The following ANGPT1 variants were observed in gnomAD, a reference collection of about 807,000 sequenced individuals.
ANGPT1 encodes the protein angiopoietin-1.
Under a neutral mutation model 62.2 loss-of-function variants are expected in ANGPT1, and 17 were observed. The ratio of observed to expected loss-of-function variants is 0.27; its 90% CI spans 0.19 to 0.41. The LOEUF (loss-of-function observed/expected upper bound fraction) is 0.41. Ranked by LOEUF, ANGPT1 falls within the 10% of genes least tolerant of loss-of-function variation. The probability of loss-of-function intolerance (pLI) is 1.00; values close to 1 mark genes in which losing one functional copy is unlikely to be tolerated. For synonymous variants in ANGPT1, 199 were observed against 198.9 expected, an observed-to-expected ratio of 1.00 and a Z score of 0.00; for missense variants, 478 against 594.9, an observed-to-expected ratio of 0.80 and a Z score of 2.04.
intron 1 of ANGPT1, among the ~76,000 whole-genome samples, chr8:107,361,402 A>G (rs1586255634): frequency 1.3e-5 from 2 of 149,516 alleles, no homozygotes; most frequent in South Asian, 4.2e-4. Flanking sequence ...GCAGATATAT[A>G]TATATTTGTA....
chr8:107,382,086 T>C (rs1286347892), intron 1 of ANGPT1, among the ~76,000 whole-genome samples: 1 of 152,146 alleles, frequency 6.6e-6, no homozygotes, highest in Non-Finnish European at 1.5e-5. Context: ...ACCCAAACAA[T>C]AGGTCACCTG....
intron 1 of ANGPT1, among the ~76,000 whole-genome samples, chr8:107,482,871 C>T (rs1318880080): frequency 6.6e-6 from 1 of 152,024 alleles, no homozygotes; most frequent in East Asian, 1.9e-4. Context: ...ATGATGTGTC[C>T]TTCTGATGAA....
rs375911485 is a variant in ANGPT1 at position 107,457,159 on chromosome 8, T to C, written c.297+40103A>G. On this transcript the variant is annotated intron_variant, in intron 1 of 8. Transcript: ENST00000517746. Reference sequence around the variant, plus strand: ...ATTTATGACATATTTTTCTTTATGATAGACTATATTTATTAGGTGATTACA... The same window carrying C: ...ATTTATGACATATTTTTCTTTATGACAGACTATATTTATTAGGTGATTACA... 3.0e-4 allele frequency among the ~76,000 whole-genome samples: 46 copies of C among 152,090 alleles called. 1 individual carries two copies. The highest frequency in any genetic ancestry group is 3.9e-4 in the Admixed American group (6 of 15,236).
At chr8:107,412,463 C>T (rs1197656743) in intron 1 of ANGPT1, among the ~76,000 whole-genome samples, 2 of 150,144 alleles carry the variant, frequency 1.3e-5, no homozygotes, top group Non-Finnish European at 3.0e-5. Flanking sequence ...GACAATTCCT[C>T]AGGAAAAAAA....
chr8:107,311,163 G>A (rs973263627), intron 4 of ANGPT1, among the ~76,000 whole-genome samples: 11 of 151,322 alleles, frequency 7.3e-5, no homozygotes, highest in African/African-American at 2.2e-4. Flanking sequence ...TTGAAAGTAC[G>A]TGTGTATGTG....
chr8:107,326,828 T>C (rs1815301591), intron 3 of ANGPT1, among the ~76,000 whole-genome samples: 1 of 152,166 alleles, frequency 6.6e-6, no homozygotes. Context: ...TTCAAAATCA[T>C]GCAGATATTA....
At chr8:107,331,654 T>G (rs7011520) in intron 3 of ANGPT1, among the ~76,000 whole-genome samples, 24,765 of 152,118 alleles carry the variant, frequency 0.16, 2,620 homozygotes, top group Admixed American at 0.26. Flanking sequence ...GAAATAATAA[T>G]ACATACTTTG....
chr8:107,392,972 T>C (rs190707053), intron 1 of ANGPT1, among the ~76,000 whole-genome samples: 16 of 152,322 alleles, frequency 1.1e-4, no homozygotes, highest in Admixed American at 7.8e-4. Flanking sequence ...AGCCAAACTA[T>C]ATTGTTTTGA....
intron 1 of ANGPT1, among the ~76,000 whole-genome samples, chr8:107,467,034 C>T (rs1812221994): frequency 6.6e-6 from 1 of 151,704 alleles, no homozygotes; most frequent in African/African-American, 2.4e-5. Flanking sequence ...AAATGCTAAT[C>T]TTCATTCATG....
At chr8:107,480,762 A>T (rs907680922) in intron 1 of ANGPT1, among the ~76,000 whole-genome samples, 1 of 152,186 alleles carries the variant, frequency 6.6e-6, no homozygotes, top group African/African-American at 2.4e-5. Flanking sequence ...CAGAGTTTTC[A>T]ATGGAAATTT....
chr8:107,324,215 A>ATG (rs71308721), intron 3 of ANGPT1, among the ~76,000 whole-genome samples: 2,453 of 144,808 alleles, frequency 0.017, 19 homozygotes, highest in Middle Eastern at 0.035. Flanking sequence ...GTATATATAT[A>ATG]TGTGTGTGTG....
intron 1 of ANGPT1, among the ~76,000 whole-genome samples, chr8:107,493,158 C>G (rs1282710809): frequency 1.3e-5 from 2 of 150,284 alleles, no homozygotes; most frequent in African/African-American, 4.9e-5. Flanking sequence ...AATCCAGACC[C>G]TTAATGAACA....
intron 1 of ANGPT1, among the ~76,000 whole-genome samples, chr8:107,465,362 G>A (rs921908091): frequency 1.3e-5 from 2 of 152,096 alleles, no homozygotes; most frequent in African/African-American, 4.8e-5. Flanking sequence ...TGGAAATGTT[G>A]TTACCTTGTC....
chr8:107,339,674 A>G (rs1815652579), intron 2 of ANGPT1, among the ~76,000 whole-genome samples: 1 of 152,180 alleles, frequency 6.6e-6, no homozygotes, highest in Non-Finnish European at 1.5e-5. Flanking sequence ...GCACAGAGGC[A>G]GGAAGGCTCA....
At chr8:107,329,088 A>G (rs554132058) in intron 3 of ANGPT1, among the ~76,000 whole-genome samples, 1 of 152,196 alleles carries the variant, frequency 6.6e-6, no homozygotes, top group African/African-American at 2.4e-5. Flanking sequence ...AATAATCTAC[A>G]CATATATGCA....
intron 1 of ANGPT1, among the ~76,000 whole-genome samples, chr8:107,491,475 T>C (rs546567340): frequency 6.6e-6 from 1 of 151,938 alleles, no homozygotes; most frequent in Non-Finnish European, 1.5e-5. Context: ...CTTAGTAAAG[T>C]GGGGAAGGTG....
chr8:107,448,025 G>A (rs1200464135), intron 1 of ANGPT1, among the ~76,000 whole-genome samples: 1 of 152,294 alleles, frequency 6.6e-6, no homozygotes, highest in Admixed American at 6.5e-5. Flanking sequence ...TTAGTTAGTG[G>A]CAGAGGTGGA....
intron 1 of ANGPT1, among the ~76,000 whole-genome samples, chr8:107,358,242 A>G (rs1008654970): frequency 1.8e-4 from 28 of 152,306 alleles, no homozygotes; most frequent in African/African-American, 6.3e-4. Flanking sequence ...TTTCTGAATA[A>G]TATTTGTTGA....
intron 8 of ANGPT1, among the ~76,000 whole-genome samples, chr8:107,261,392 G>T (rs1460369622): frequency 2.6e-5 from 4 of 152,016 alleles, no homozygotes; most frequent in Admixed American, 6.6e-5. Context: ...GATGCCAAAA[G>T]GATAGTTCAA....
Sources: gnomAD v4.1 joint callset for allele counts (sites outside exome capture counted in the v4.1 genomes callset) on GRCh38, gnomAD v4.1.1 for gene constraint, MANE v1.5 for transcripts, NCBI Gene and HGNC (gene_info 2026-07-23, HGNC 2026-07-21) for gene names.